PLXNA2: variants seen among roughly 807,000 people sequenced by gnomAD.
The protein encoded by PLXNA2 is plexin-A2.
A neutral mutation model predicts 193.5 loss-of-function variants in PLXNA2; 91 were observed. The observed-to-expected ratio is 0.47, with a 90% CI of 0.40 to 0.56. The LOEUF (loss-of-function observed/expected upper bound fraction) is 0.56, where lower values mean the gene tolerates loss of function less well. Among genes scored for constraint, PLXNA2 ranks in the 20% least tolerant of loss-of-function variants. PLXNA2 has a pLI of 0.00. For missense variants in PLXNA2, 1,995 were observed against 2,503.2 expected, an observed-to-expected ratio of 0.80 and a Z score of 4.33; for synonymous variants, 997 against 1,027.3, an observed-to-expected ratio of 0.97 and a Z score of 0.56.
intron 3 of PLXNA2, among the ~76,000 whole-genome samples, chr1:208,169,358 A>T (rs1412404208): frequency 1.3e-5 from 2 of 152,238 alleles, no homozygotes; most frequent in Admixed American, 1.3e-4. Flanking sequence ...GTCACACATG[A>T]TCAGCAAGTC....
chr1:208,046,259 T>A (rs967453377), intron 17 of PLXNA2, 142 bp from the exon 18 acceptor site: 38 of 1,112,228 alleles, frequency 3.4e-5, no homozygotes, highest in Non-Finnish European at 4.6e-5. Context: ...GGGAAAGCCC[T>A]CCAGGAAAGG....
At chr1:208,242,805 T>C (rs753964967) in intron 1 of PLXNA2, among the ~76,000 whole-genome samples, 24 of 152,144 alleles carry the variant, frequency 1.6e-4, no homozygotes, top group Non-Finnish European at 2.9e-4. Context: ...ATCTAGACCA[T>C]GATTGGCATT....
intron 26 of PLXNA2, among the ~76,000 whole-genome samples, chr1:208,035,385 T>A (rs1222702820): frequency 1.3e-5 from 2 of 152,160 alleles, no homozygotes; most frequent in East Asian, 3.9e-4. Context: ...CTGACCTGGG[T>A]CCTATAATGC....
In PLXNA2 at chr1:208,046,836, G is replaced by T. The variant is rs923240759; in HGVS notation, c.3256-719C>A. ...TGTGTGTGTGTGTGTGTGTGTGTGT[G>T]TGTGTGTAGAGTGTGGAGCAGGAAG... On this transcript the variant is annotated intron_variant, in intron 17 of 31. Transcript: ENST00000367033. 4.2e-4 allele frequency among the ~76,000 whole-genome samples: 61 copies of T among 146,560 alleles called. 1 individual carries two copies. The highest frequency in any genetic ancestry group is 7.7e-4 in the Non-Finnish European group (51 of 66,178).
chr1:208,052,288 G>C, intron 15 of PLXNA2, 39 bp downstream of exon 15: 1 of 1,600,934 alleles, frequency 6.2e-7, no homozygotes, highest in Non-Finnish European at 8.5e-7. Context: ...ACATGTCCCA[G>C]ATGTGCAGTC....
chr1:208,155,133 GC>G (rs1668899175), intron 3 of PLXNA2, among the ~76,000 whole-genome samples: 1 of 152,122 alleles, frequency 6.6e-6, no homozygotes, highest in South Asian at 2.1e-4. Flanking sequence ...TGCATGGAGC[GC>G]GAACCCCTTG....
At chr1:208,132,473 TAGTC>T (rs958881781) in intron 4 of PLXNA2, among the ~76,000 whole-genome samples, 3 of 152,186 alleles carry the variant, frequency 2.0e-5, no homozygotes, top group Non-Finnish European at 2.9e-5. Context: ...GCAAATTACT[TAGTC>T]AGTTTGAATT....
intron 29 of PLXNA2, chr1:208,030,438 G>T: frequency 1.0e-6 from 1 of 985,586 alleles, no homozygotes; most frequent in Non-Finnish European, 1.2e-6. Context: ...AAGCAAAGGG[G>T]ACAGGCATGT....
At chr1:208,133,849 C>T (rs1253997862) in intron 4 of PLXNA2, among the ~76,000 whole-genome samples, 1 of 152,192 alleles carries the variant, frequency 6.6e-6, no homozygotes, top group Non-Finnish European at 1.5e-5. Context: ...AAATGACTTT[C>T]CTCTCTGGAG....
chr1:208,056,435 C>T (rs1195674051), intron 13 of PLXNA2, among the ~76,000 whole-genome samples: 1 of 152,154 alleles, frequency 6.6e-6, no homozygotes, highest in Non-Finnish European at 1.5e-5. Context: ...AAAAAGAGAA[C>T]ATGTGAAGGT....
chr1:208,033,370 C>T lies in PLXNA2; in HGVS notation c.5004G>A (p.Arg1668=). 1 of 1,611,804 alleles carries T rather than the reference C, an allele frequency of 6.2e-7. No individual in the cohort carries two copies. The highest frequency in any genetic ancestry group is 8.5e-7 in the Non-Finnish European group (1 of 1,179,200). ...HDHGDQKEGD[R]GSKMVSEIYL... ...AGATCTCGGACACCATCTTGCTGCC[C>T]CGGTCACCCTCCTTCTGGTCACCGT... Residue 1668 remains arginine (R), a synonymous_variant, in exon 28 of 32, where the codon CGG becomes CGA. Coordinates refer to ENST00000367033, the MANE Select transcript of PLXNA2 (RefSeq NM_025179.4).
intron 14 of PLXNA2, 127 bp downstream of exon 14, chr1:208,054,294 T>G: frequency 1.6e-6 from 1 of 634,578 alleles, no homozygotes. Flanking sequence ...ATCTGGAGGG[T>G]CCTTTTCTCC....
intron 12 of PLXNA2, among the ~76,000 whole-genome samples, chr1:208,066,690 C>T (rs1665805909): frequency 6.6e-6 from 1 of 152,078 alleles, no homozygotes; most frequent in Non-Finnish European, 1.5e-5. Context: ...GGAAAACAGC[C>T]TCAGGGAGGA....
chr1:208,164,345 C>T (rs1420590822), intron 3 of PLXNA2, among the ~76,000 whole-genome samples: 1 of 152,212 alleles, frequency 6.6e-6, no homozygotes, highest in Non-Finnish European at 1.5e-5. Context: ...TCTGCCCCTA[C>T]TCCCTGAACC....
At chr1:208,188,244 A>G (rs183622969) in intron 3 of PLXNA2, among the ~76,000 whole-genome samples, 83 of 152,300 alleles carry the variant, frequency 5.4e-4, no homozygotes, top group East Asian at 1.9e-4. Context: ...ACATGTCACG[A>G]GGTTCTAGCA....
At chr1:208,228,632 C>A (rs1671589669) in intron 1 of PLXNA2, among the ~76,000 whole-genome samples, 1 of 152,182 alleles carries the variant, frequency 6.6e-6, no homozygotes, top group African/African-American at 2.4e-5. Flanking sequence ...GGCTGTTGCC[C>A]AGATAGACTC....
intron 12 of PLXNA2, among the ~76,000 whole-genome samples, chr1:208,076,730 A>G (rs1448656885): frequency 6.6e-6 from 1 of 152,248 alleles, no homozygotes; most frequent in Non-Finnish European, 1.5e-5. Context: ...AGACATGACA[A>G]TAGAATGCCA....
In PLXNA2 at chr1:208,244,151, G is replaced by A. The variant is rs1241144588; in HGVS notation, c.-589C>T. 1 of 154,162 alleles carries A rather than the reference G, an allele frequency of 6.5e-6. No individual in the cohort carries two copies. The highest frequency in any genetic ancestry group is 1.4e-5 in the Non-Finnish European group (1 of 69,542). The allele number at this position is 154,162 out of a possible 1,614,324, so 9.5% of individuals were successfully genotyped here. A position where few individuals can be genotyped will look rare whatever the true frequency, so the allele number is the denominator to read the frequency against. On this transcript the variant is annotated 5_prime_UTR_variant, in exon 1 of 32. Transcript: ENST00000367033. ...TTCGAGGTTTGCTCCGCTGGCTGCG[G>A]CGCTCGCACGCCCTACCGCTCCCAA...
Position 208,051,041 on chromosome 1 carries a change from G to A in PLXNA2, c.3223C>T (p.Arg1075Ter), listed in dbSNP as rs773494654. ...GATTCTTTGCCATTGAATTTGACTC[G>A]GATCCTTGGCTCCTGAATGACATCC... Reference protein sequence around the residue: ...NLDVIQEPRIRVKFNGKESVN... With the variant: ...NLDVIQEPRI The change falls in exon 17 of 32, where the codon CGA (arginine) becomes TGA (stop). Residue 1075 changes from arginine to a stop codon, truncating the protein, a stop_gained. Transcript: ENST00000367033. LOFTEE classifies it high-confidence loss of function. The A allele has an allele frequency of 6.8e-6, 11 of 1,613,842 alleles. No individual in the cohort carries two copies. Among genetic ancestry groups the A allele is most frequent in the Non-Finnish European group, 9.3e-6 (11 of 1,179,890 alleles).
Sources: allele counts gnomAD v4.1 joint callset (sites outside exome capture counted in the v4.1 genomes callset), GRCh38; gene constraint gnomAD v4.1.1; transcripts MANE v1.5; gene names NCBI Gene and HGNC (gene_info 2026-07-23, HGNC 2026-07-21).